EEFSEC: variants seen among roughly 807,000 people sequenced by gnomAD.
EEFSEC encodes selenocysteine-specific elongation factor.
A neutral mutation model predicts 42.1 loss-of-function variants in EEFSEC; 43 were observed. The observed-to-expected ratio is 1.02, with a 90% CI of 0.80 to 1.32. The LOEUF (loss-of-function observed/expected upper bound fraction) is 1.32, where lower values mean the gene tolerates loss of function less well. EEFSEC is among the 40% of genes most tolerant of loss of function. The pLI is 0.00. For synonymous variants in EEFSEC, 354 were observed against 339.1 expected, an observed-to-expected ratio of 1.04 and a Z score of -0.48; for missense variants, 745 against 803.6, an observed-to-expected ratio of 0.93 and a Z score of 0.88.
chr3:128,400,182 C>T (rs1337102040), intron 6 of EEFSEC, among the ~76,000 whole-genome samples: 2 of 152,380 alleles, frequency 1.3e-5, no homozygotes, highest in East Asian at 3.9e-4. Flanking sequence ...AGCACTGTGC[C>T]ACCCACACAC....
chr3:128,304,675 A>G (rs2066807292), intron 4 of EEFSEC, among the ~76,000 whole-genome samples: 2 of 151,428 alleles, frequency 1.3e-5, no homozygotes, highest in South Asian at 4.2e-4. Context: ...ACAATGTTAA[A>G]TGGCAGGCAT....
chr3:128,374,766 T>G (rs1484230610), intron 6 of EEFSEC, among the ~76,000 whole-genome samples: 2 of 152,224 alleles, frequency 1.3e-5, no homozygotes, highest in African/African-American at 4.8e-5. Flanking sequence ...AATTTACTCT[T>G]CACAACAAAC....
At chr3:128,306,864 C>T (rs2066832930) in intron 4 of EEFSEC, among the ~76,000 whole-genome samples, 1 of 152,250 alleles carries the variant, frequency 6.6e-6, no homozygotes, top group Non-Finnish European at 1.5e-5. Context: ...CATCCCCAAT[C>T]CAAGGCTTTC....
chr3:128,157,682 T>G (rs1481052138), intron 1 of EEFSEC, among the ~76,000 whole-genome samples: 1 of 152,246 alleles, frequency 6.6e-6, no homozygotes, highest in Non-Finnish European at 1.5e-5. Flanking sequence ...TTAAGCCCAC[T>G]GTTGAGACCT....
chr3:128,352,274 C>T (rs2067396861), intron 5 of EEFSEC, among the ~76,000 whole-genome samples: 1 of 152,222 alleles, frequency 6.6e-6, no homozygotes, highest in South Asian at 2.1e-4. Flanking sequence ...GGAGCTGTCT[C>T]CCTCTTTCTA....
chr3:128,339,599 T>G (rs1445145431), intron 4 of EEFSEC, among the ~76,000 whole-genome samples: 6 of 152,300 alleles, frequency 3.9e-5, no homozygotes, highest in Admixed American at 2.0e-4. Context: ...CTGCCCAGTA[T>G]AGTAGTCAGT....
intron 5 of EEFSEC, among the ~76,000 whole-genome samples, chr3:128,346,005 C>T (rs2067308242): frequency 6.6e-6 from 1 of 152,208 alleles, no homozygotes. Context: ...AAAATAACAG[C>T]GTGATGTAAA....
At chr3:128,250,464 G>C (rs2066173570) in intron 2 of EEFSEC, among the ~76,000 whole-genome samples, 1 of 152,008 alleles carries the variant, frequency 6.6e-6, no homozygotes, top group South Asian at 2.1e-4. Context: ...TCATTATTTT[G>C]CATGTGGATA....
At chr3:128,369,300 A>G (rs765224323) in intron 6 of EEFSEC, among the ~76,000 whole-genome samples, 2 of 152,248 alleles carry the variant, frequency 1.3e-5, no homozygotes, top group Non-Finnish European at 2.9e-5. Context: ...TTATGTTCCC[A>G]TAAATAACAG....
chr3:128,235,941 G>T (rs1041091146), intron 1 of EEFSEC, among the ~76,000 whole-genome samples: 1 of 149,082 alleles, frequency 6.7e-6, no homozygotes, highest in African/African-American at 2.5e-5. Flanking sequence ...GATGGGCAAA[G>T]GTTTGTTTGT....
At chr3:128,391,148 A>C (rs1252684928) in intron 6 of EEFSEC, among the ~76,000 whole-genome samples, 1 of 152,336 alleles carries the variant, frequency 6.6e-6, no homozygotes, top group South Asian at 2.1e-4. Context: ...TGCATAGAGT[A>C]GGTGCTCGCT....
intron 1 of EEFSEC, among the ~76,000 whole-genome samples, chr3:128,166,558 G>C (rs998125759): frequency 6.6e-6 from 1 of 152,170 alleles, no homozygotes; most frequent in African/African-American, 2.4e-5. Context: ...CCCTATTGTA[G>C]AGTTGGGTTT....
At chr3:128,216,495 C>T (rs2065811881) in intron 1 of EEFSEC, among the ~76,000 whole-genome samples, 1 of 151,688 alleles carries the variant, frequency 6.6e-6, no homozygotes, top group Admixed American at 6.6e-5. Flanking sequence ...CTCTCCATAC[C>T]AGACAGCCAC....
intron 4 of EEFSEC, among the ~76,000 whole-genome samples, chr3:128,272,929 C>G (rs939699853): frequency 6.6e-6 from 1 of 152,208 alleles, no homozygotes; most frequent in Non-Finnish European, 1.5e-5. Flanking sequence ...ACCATCACAG[C>G]TCAGGTGCTG....
intron 1 of EEFSEC, among the ~76,000 whole-genome samples, chr3:128,239,813 G>A (rs2066051704): frequency 6.6e-6 from 1 of 152,212 alleles, no homozygotes. Context: ...ATCTGAAACT[G>A]TTCATGAAAA....
At chr3:128,398,535 C>T (rs2068010114) in intron 6 of EEFSEC, among the ~76,000 whole-genome samples, 1 of 152,164 alleles carries the variant, frequency 6.6e-6, no homozygotes, top group South Asian at 2.1e-4. Flanking sequence ...CTAGAAGAAT[C>T]TCTGGCAACA....
intron 1 of EEFSEC, among the ~76,000 whole-genome samples, chr3:128,211,715 C>A (rs1189762073): frequency 1.3e-5 from 2 of 151,534 alleles, no homozygotes; most frequent in Non-Finnish European, 2.9e-5. Flanking sequence ...TGGGTTTCAC[C>A]ATATTGCCTA....
the EEFSEC span, among the ~76,000 whole-genome samples, chr3:128,416,162 C>T: frequency 1.4e-4 from 21 of 152,056 alleles, no homozygotes; most frequent in African/African-American, 3.4e-4. Context: ...TCCCGGTGGC[C>T]GGAAGGTGGG....
At chr3:128,323,646 TG>T (rs2067032021) in intron 4 of EEFSEC, among the ~76,000 whole-genome samples, 1 of 152,202 alleles carries the variant, frequency 6.6e-6, no homozygotes, top group Non-Finnish European at 1.5e-5. Context: ...ACAAGGGAAC[TG>T]GGGTAAAGAG....
Sources: allele counts gnomAD v4.1 joint callset (sites outside exome capture counted in the v4.1 genomes callset), GRCh38; gene constraint gnomAD v4.1.1; transcripts MANE v1.5; gene names NCBI Gene and HGNC (gene_info 2026-07-23, HGNC 2026-07-21).